Variants in LRRTM4 observed in about 807,000 individuals in gnomAD.
The protein encoded by LRRTM4 is leucine rich repeat transmembrane neuronal 4, also known as leucine-rich repeat transmembrane neuronal protein 4.
In LRRTM4, 25 loss-of-function variants were observed where a neutral mutation model predicts 47.6. That is an observed-to-expected ratio of 0.53 (90% CI 0.38 to 0.73). The LOEUF (loss-of-function observed/expected upper bound fraction) is 0.73. Ranked by LOEUF, LRRTM4 falls within the 30% of genes least tolerant of loss-of-function variation. The pLI, the probability that LRRTM4 is intolerant of heterozygous loss-of-function variation, is 0.00. For synonymous variants in LRRTM4, 311 were observed against 269.5 expected, an observed-to-expected ratio of 1.15 and a Z score of -1.51; for missense variants, 638 against 713.4, an observed-to-expected ratio of 0.89 and a Z score of 1.20.
intron 3 of LRRTM4, among the ~76,000 whole-genome samples, chr2:76,949,028 A>T (rs1446363266): frequency 6.6e-6 from 1 of 151,898 alleles, no homozygotes; most frequent in Non-Finnish European, 1.5e-5. Context: ...TCCCTAGTGA[A>T]TATTCCGTAT....
chr2:77,460,407 A>T (rs1330406355), intron 3 of LRRTM4, among the ~76,000 whole-genome samples: 1 of 152,152 alleles, frequency 6.6e-6, no homozygotes, highest in African/African-American at 2.4e-5. Context: ...GCTTTCTGTT[A>T]TCAGTAAGAG....
At chr2:76,954,600 G>A (rs1675609044) in intron 3 of LRRTM4, among the ~76,000 whole-genome samples, 2 of 151,742 alleles carry the variant, frequency 1.3e-5, no homozygotes, top group African/African-American at 4.8e-5. Flanking sequence ...AAGAAGAAGA[G>A]AGAAAGGGCC....
At chr2:77,141,271 A>G (rs1573003040) in intron 3 of LRRTM4, among the ~76,000 whole-genome samples, 2 of 152,174 alleles carry the variant, frequency 1.3e-5, no homozygotes, top group African/African-American at 4.8e-5. Flanking sequence ...GCATATATAC[A>G]CCATGGAATA....
intron 3 of LRRTM4, among the ~76,000 whole-genome samples, chr2:76,990,484 G>C (rs1676965142): frequency 6.6e-6 from 1 of 151,626 alleles, no homozygotes; most frequent in African/African-American, 2.4e-5. Context: ...AAACAAGAAA[G>C]AGCAGGGGTC....
chr2:77,092,715 C>G (rs1049069505), intron 3 of LRRTM4, among the ~76,000 whole-genome samples: 1 of 143,818 alleles, frequency 7.0e-6, no homozygotes, highest in Non-Finnish European at 1.5e-5. Flanking sequence ...CCACCGCAGT[C>G]ATTTCTTCCA....
At chr2:76,958,219 A>T (rs1278323113) in intron 3 of LRRTM4, among the ~76,000 whole-genome samples, 1 of 151,818 alleles carries the variant, frequency 6.6e-6, no homozygotes, top group African/African-American at 2.4e-5. Flanking sequence ...TGTCATCATA[A>T]TAATGCCAAA....
chr2:77,060,890 C>T (rs1010123546), intron 3 of LRRTM4, among the ~76,000 whole-genome samples: 1 of 152,018 alleles, frequency 6.6e-6, no homozygotes, highest in African/African-American at 2.4e-5. Context: ...TATGACTCAA[C>T]CACAATTTAT....
chr2:76,795,128 T>A (rs1233059641), intron 3 of LRRTM4, among the ~76,000 whole-genome samples: 1 of 151,256 alleles, frequency 6.6e-6, no homozygotes, highest in Non-Finnish European at 1.5e-5. Flanking sequence ...TTACTAACAA[T>A]AATATTAAAG....
intron 3 of LRRTM4, among the ~76,000 whole-genome samples, chr2:77,511,132 A>G (rs1678968707): frequency 6.6e-6 from 1 of 152,142 alleles, no homozygotes; most frequent in Non-Finnish European, 1.5e-5. Flanking sequence ...AAACAATCAT[A>G]CCAAATTGAG....
chr2:77,061,713 G>T (rs113471351), intron 3 of LRRTM4, among the ~76,000 whole-genome samples: 2,958 of 152,138 alleles, frequency 0.019, 106 homozygotes, highest in African/African-American at 0.068. Context: ...CCTCCATATT[G>T]AAAGACCTAC....
chr2:76,755,348 C>T (rs1019455187), intron 3 of LRRTM4, among the ~76,000 whole-genome samples: 13 of 152,054 alleles, frequency 8.5e-5, no homozygotes, highest in African/African-American at 2.9e-4. Context: ...TGAGAAAGTA[C>T]CTTAAGCTCA....
chr2:77,508,083 G>C (rs746144653), intron 3 of LRRTM4, among the ~76,000 whole-genome samples: 6 of 152,112 alleles, frequency 3.9e-5, no homozygotes, highest in Non-Finnish European at 8.8e-5. Context: ...TCCCAGACTT[G>C]AGCCAGTTTA....
chr2:76,910,560 A>G (rs962080862), intron 3 of LRRTM4, among the ~76,000 whole-genome samples: 5 of 152,326 alleles, frequency 3.3e-5, no homozygotes, highest in Non-Finnish European at 7.4e-5. Context: ...TTTGTTTCTC[A>G]TTATGTCAGG....
chr2:77,072,800 C>CAAAAAAAA (rs373786120), intron 3 of LRRTM4, among the ~76,000 whole-genome samples: 16 of 78,732 alleles, frequency 2.0e-4, no homozygotes, highest in African/African-American at 4.5e-4. Flanking sequence ...CTCCGTCTTC[C>CAAAAAAAA]AAAAAAAAAA....
chr2:77,386,155 A>T (rs1215170052), intron 3 of LRRTM4, among the ~76,000 whole-genome samples: 1 of 147,950 alleles, frequency 6.8e-6, no homozygotes, highest in African/African-American at 2.5e-5. Flanking sequence ...ATCCACAAAA[A>T]TAATCGCATT....
At chr2:77,183,978 T>C (rs1315754310) in intron 3 of LRRTM4, among the ~76,000 whole-genome samples, 2 of 152,112 alleles carry the variant, frequency 1.3e-5, no homozygotes, top group Non-Finnish European at 2.9e-5. Context: ...ATATACCTAA[T>C]GCTAAATGAG....
intron 3 of LRRTM4, among the ~76,000 whole-genome samples, chr2:76,984,341 GT>G (rs1271107222): frequency 6.6e-6 from 1 of 151,818 alleles, no homozygotes; most frequent in African/African-American, 2.4e-5. Flanking sequence ...TAAATGTGTA[GT>G]TTTTTTGGTA....
At chr2:77,225,424 G>GA (rs34525667) in intron 3 of LRRTM4, among the ~76,000 whole-genome samples, 1,635 of 143,770 alleles carry the variant, frequency 0.011, 61 homozygotes, top group Admixed American at 0.067. Flanking sequence ...AAAATTGTGA[G>GA]AAAAAAAAAA....
intron 3 of LRRTM4, among the ~76,000 whole-genome samples, chr2:77,181,252 T>C (rs1196595096): frequency 1.3e-5 from 2 of 152,088 alleles, no homozygotes; most frequent in Non-Finnish European, 2.9e-5. Flanking sequence ...AAAAGACCCA[T>C]GGACAATTCT....
Sources: allele counts gnomAD v4.1 joint callset (sites outside exome capture counted in the v4.1 genomes callset), GRCh38; gene constraint gnomAD v4.1.1; transcripts MANE v1.5; gene names NCBI Gene and HGNC (gene_info 2026-07-23, HGNC 2026-07-21).